The following SCP2 variants were observed in gnomAD, a reference collection of about 807,000 sequenced individuals.
SCP2 encodes the protein sterol carrier protein 2.
A neutral mutation model predicts 71.4 loss-of-function variants in SCP2; 48 were observed. That is an observed-to-expected ratio of 0.67 (90% CI 0.53 to 0.86). The LOEUF (loss-of-function observed/expected upper bound fraction) is 0.86, where lower values mean the gene tolerates loss of function less well. Among genes scored for constraint, SCP2 ranks in the 40% least tolerant of loss-of-function variants. SCP2 has a pLI of 0.00. For missense variants in SCP2, 560 were observed against 655.6 expected (o/e 0.85, Z 1.59); for synonymous variants, 220 against 218.1 (o/e 1.01, Z -0.08).
chr1:53,029,931 C>T (rs888055913), intron 13 of SCP2, among the ~76,000 whole-genome samples: 12 of 152,194 alleles, frequency 7.9e-5, no homozygotes, highest in Admixed American at 3.9e-4. Flanking sequence ...CTCTGTCACC[C>T]AGGCTGGAGT....
At chr1:52,993,502 T>A in intron 11 of SCP2, 1 of 1,612,932 alleles carries the variant, frequency 6.2e-7, no homozygotes, top group Non-Finnish European at 8.5e-7. Context: ...ACTTATAGAT[T>A]TCTTCAAAAC....
chr1:53,015,614 A>AG (rs2150229073), intron 12 of SCP2, among the ~76,000 whole-genome samples: 1 of 152,282 alleles, frequency 6.6e-6, no homozygotes, highest in East Asian at 1.9e-4. Flanking sequence ...CTCCTGTCAA[A>AG]GGCTCAGCTT....
At chr1:52,986,711 C>T (rs1361965405) in intron 10 of SCP2, among the ~76,000 whole-genome samples, 2 of 151,990 alleles carry the variant, frequency 1.3e-5, no homozygotes, top group African/African-American at 4.8e-5. Flanking sequence ...ATGATAGCAC[C>T]TACTTCATAG....
intron 8 of SCP2, among the ~76,000 whole-genome samples, chr1:52,977,448 G>A (rs115151399): frequency 2.6e-5 from 4 of 152,212 alleles, no homozygotes; most frequent in Admixed American, 6.5e-5. Flanking sequence ...TTAAGATCTC[G>A]AGAGTCTTAA....
intron 6 of SCP2, among the ~76,000 whole-genome samples, chr1:52,972,821 T>C (rs948791423): frequency 1.3e-5 from 2 of 152,248 alleles, no homozygotes; most frequent in African/African-American, 4.8e-5. Context: ...TCATTAGACT[T>C]GTTTCATAAC....
intron 13 of SCP2, among the ~76,000 whole-genome samples, chr1:53,035,299 C>T (rs1397351593): frequency 6.6e-6 from 1 of 151,740 alleles, no homozygotes; most frequent in Non-Finnish European, 1.5e-5. Flanking sequence ...AATAACCTGG[C>T]CATAAAATTT....
At chr1:53,020,411 A>G (rs939146918) in intron 12 of SCP2, among the ~76,000 whole-genome samples, 8 of 151,844 alleles carry the variant, frequency 5.3e-5, no homozygotes, top group African/African-American at 1.7e-4. Context: ...CTTCTTTCCT[A>G]TTTCTCTAGT....
intron 6 of SCP2, among the ~76,000 whole-genome samples, chr1:52,974,318 C>G (rs1657756141): frequency 6.6e-6 from 1 of 151,904 alleles, no homozygotes; most frequent in African/African-American, 2.4e-5. Flanking sequence ...GGATATAACT[C>G]TTCTAAAAAC....
intron 3 of SCP2, among the ~76,000 whole-genome samples, chr1:52,948,592 T>A (rs1257017607): frequency 7.6e-6 from 1 of 131,504 alleles, no homozygotes; most frequent in Non-Finnish European, 1.5e-5. Flanking sequence ...GCCACTGCAC[T>A]CCAGCCTGGG....
intron 6 of SCP2, among the ~76,000 whole-genome samples, chr1:52,967,534 G>T (rs1379184713): frequency 6.6e-6 from 1 of 152,040 alleles, no homozygotes; most frequent in African/African-American, 2.4e-5. Flanking sequence ...ATGGAGTCTT[G>T]CTCTGTTGCC....
At chr1:52,995,825 A>G in intron 11 of SCP2, 2 of 1,002,352 alleles carry the variant, frequency 2.0e-6, no homozygotes, top group Non-Finnish European at 3.1e-6. Context: ...GGAGCTCTTC[A>G]GGTGCATCTT....
At chr1:53,036,800 T>C (rs556469557) in intron 13 of SCP2, among the ~76,000 whole-genome samples, 4 of 152,000 alleles carry the variant, frequency 2.6e-5, no homozygotes, top group African/African-American at 9.6e-5. Context: ...CCATTTTTTT[T>C]CTCTGCATAT....
rs909924197 is a variant in SCP2 at position 52,950,642 on chromosome 1, G to A, written c.200-113G>A. On this transcript the variant is annotated intron_variant, in intron 3 of 15. Coordinates refer to ENST00000371514, the MANE Select transcript of SCP2 (RefSeq NM_002979.5). ...CTGTTTCTAAGATATTTACTGTCTT[G>A]CACATGTTATATGCTAGGCAAAGGT... 5.3e-5 allele frequency: 43 copies of A among 811,086 alleles called. No homozygotes were observed. The South Asian group carries it at 6.1e-4, about 12-fold the overall frequency. 50.2% of individuals were successfully genotyped at this position (811,086 alleles called of 1,614,324 possible).
intron 12 of SCP2, among the ~76,000 whole-genome samples, chr1:53,022,692 T>C (rs751589108): frequency 1.3e-5 from 2 of 152,194 alleles, no homozygotes; most frequent in Admixed American, 6.5e-5. Context: ...ATAGATGAGA[T>C]TGATGATCAG....
At chr1:53,021,875 C>A (rs1417320909) in intron 12 of SCP2, among the ~76,000 whole-genome samples, 1 of 151,494 alleles carries the variant, frequency 6.6e-6, no homozygotes, top group Non-Finnish European at 1.5e-5. Context: ...GAACTCCTGG[C>A]CTCATGTGAT....
chr1:53,000,514 C>G (rs1180662420), intron 11 of SCP2, among the ~76,000 whole-genome samples: 1 of 152,092 alleles, frequency 6.6e-6, no homozygotes, highest in African/African-American at 2.4e-5. Context: ...TAGGCTTCAA[C>G]CTAGTGTTAG....
chr1:52,976,344 C>T (rs1657965815), intron 7 of SCP2, among the ~76,000 whole-genome samples: 1 of 152,116 alleles, frequency 6.6e-6, no homozygotes, highest in Non-Finnish European at 1.5e-5. Flanking sequence ...CATGGTTGGT[C>T]TTTTGGTGGT....
At chr1:53,012,943 ATTTTTTGTC>A (rs1258738414) in intron 11 of SCP2, among the ~76,000 whole-genome samples, 1 of 152,008 alleles carries the variant, frequency 6.6e-6, no homozygotes, top group Non-Finnish European at 1.5e-5. Flanking sequence ...CAGTTTGAAT[ATTTTTTGTC>A]TTTTTTGTCT....
In SCP2 at chr1:53,005,168, G is replaced by A. The variant is rs946703037; in HGVS notation, c.1082-9722G>A. Among the ~76,000 whole-genome samples the A allele has an allele frequency of 4.6e-5, 7 of 152,278 alleles. No homozygotes were observed. The East Asian group carries it at 5.8e-4, about 13-fold the overall frequency. On this transcript the variant is annotated intron_variant, in intron 11 of 15. Transcript: ENST00000371514. ...AGCCCATCGCAGCTCAACGAGGCCC[G>A]CCTGCCTCTGTAGACTCCACTTCTT...
Sources: gnomAD v4.1 joint callset for allele counts (sites outside exome capture counted in the v4.1 genomes callset) on GRCh38, gnomAD v4.1.1 for gene constraint, MANE v1.5 for transcripts, NCBI Gene and HGNC (gene_info 2026-07-23, HGNC 2026-07-21) for gene names.